Variants in ZC3H12B observed in about 807,000 individuals in gnomAD.
The protein encoded by ZC3H12B is probable ribonuclease ZC3H12B.
A neutral mutation model predicts 43.9 loss-of-function variants in ZC3H12B; 7 were observed. The ratio of observed to expected loss-of-function variants is 0.16; its 90% CI spans 0.09 to 0.30. ZC3H12B has a LOEUF of 0.30. ZC3H12B is among the 10% of genes least tolerant of loss of function. ZC3H12B has a pLI of 1.00. For missense variants in ZC3H12B, 475 were observed against 670.2 expected (o/e 0.71, Z 3.22); for synonymous variants, 222 against 241.7 (o/e 0.92, Z 0.76).
chrX:65,226,869 C>T, the ZC3H12B span, among the ~76,000 whole-genome samples: 1 of 111,312 alleles, frequency 9.0e-6, no homozygotes, highest in African/African-American at 3.3e-5. Context: ...CAGGAGCATC[C>T]AGATTCATAA....
the ZC3H12B span, among the ~76,000 whole-genome samples, chrX:65,044,420 T>A: frequency 8.1e-5 from 9 of 111,723 alleles, no homozygotes; most frequent in Non-Finnish European, 7.5e-5. Flanking sequence ...ACATATAGAC[T>A]TTTGTAGGAC....
the ZC3H12B span, among the ~76,000 whole-genome samples, chrX:65,064,770 G>A: frequency 2.7e-5 from 3 of 111,216 alleles, no homozygotes; most frequent in African/African-American, 9.8e-5. Context: ...TTATTGTTTG[G>A]GAGTCTAAGT....
chrX:65,291,671 G>A, the ZC3H12B span, among the ~76,000 whole-genome samples: 4 of 111,993 alleles, frequency 3.6e-5, no homozygotes, highest in African/African-American at 1.3e-4. Flanking sequence ...TTGTTATTCT[G>A]TGGGTATAAT....
chrX:65,199,145 C>T, the ZC3H12B span, among the ~76,000 whole-genome samples: 29 of 108,191 alleles, frequency 2.7e-4, no homozygotes, highest in East Asian at 8.2e-3. Flanking sequence ...TTCTAGATCT[C>T]GTAGGCATAC....
the ZC3H12B span, among the ~76,000 whole-genome samples, chrX:65,050,729 A>AT: frequency 1.8e-5 from 2 of 111,472 alleles, no homozygotes; most frequent in East Asian, 2.8e-4. Context: ...ATATTAAGTG[A>AT]TTTTTTATAT....
chrX:65,410,380 A>G (rs1176709358), intron 3 of ZC3H12B, among the ~76,000 whole-genome samples: 1 of 112,092 alleles, frequency 8.9e-6, no homozygotes, highest in Non-Finnish European at 1.9e-5. Context: ...AACATTGGGG[A>G]AATTCTCCAG....
chrX:65,152,209 A>G, the ZC3H12B span, among the ~76,000 whole-genome samples: 4 of 111,682 alleles, frequency 3.6e-5, no homozygotes, highest in South Asian at 1.1e-3. Flanking sequence ...CCTACTCAAC[A>G]TAGTGTTGGA....
At chrX:65,125,258 G>A in the ZC3H12B span, among the ~76,000 whole-genome samples, 1 of 111,688 alleles carries the variant, frequency 9.0e-6, no homozygotes, top group Non-Finnish European at 1.9e-5. Flanking sequence ...TTGTTCAGAA[G>A]CAGGTTATTT....
the ZC3H12B span, among the ~76,000 whole-genome samples, chrX:65,341,086 G>A: frequency 2.0e-4 from 22 of 112,034 alleles, no homozygotes; most frequent in Non-Finnish European, 3.6e-4. Context: ...TAGCAGAATA[G>A]ACCAAGCTGA....
At chrX:65,316,188 C>G in the ZC3H12B span, among the ~76,000 whole-genome samples, 1 of 111,256 alleles carries the variant, frequency 9.0e-6, no homozygotes, top group Non-Finnish European at 1.9e-5. Context: ...GTAAACAGAC[C>G]AAAGCTACAA....
At chrX:65,162,328 G>A in the ZC3H12B span, among the ~76,000 whole-genome samples, 5 of 111,620 alleles carry the variant, frequency 4.5e-5, no homozygotes, top group African/African-American at 1.6e-4. Flanking sequence ...TGCTAGATTG[G>A]GCAAGTTCTC....
At chrX:65,433,847 C>A (rs746083261) in intron 3 of ZC3H12B, among the ~76,000 whole-genome samples, 3 of 111,924 alleles carry the variant, frequency 2.7e-5, no homozygotes, top group African/African-American at 9.7e-5. Flanking sequence ...TTTCTGTAAG[C>A]TGTCTGAATT....
chrX:65,111,429 T>C, the ZC3H12B span, among the ~76,000 whole-genome samples: 1 of 111,723 alleles, frequency 9.0e-6, no homozygotes, highest in South Asian at 3.7e-4. Flanking sequence ...GTCTTTATCA[T>C]GTACATGTGT....
At chrX:65,157,107 AAGTAG>A in the ZC3H12B span, among the ~76,000 whole-genome samples, 1 of 110,779 alleles carries the variant, frequency 9.0e-6, no homozygotes, top group African/African-American at 3.3e-5. Flanking sequence ...TCAGCCTCCC[AAGTAG>A]CTGAGACTAA....
chrX:65,269,236 T>C, the ZC3H12B span, among the ~76,000 whole-genome samples: 1 of 109,628 alleles, frequency 9.1e-6, no homozygotes, highest in African/African-American at 3.3e-5. Flanking sequence ...TCCCAGTGAC[T>C]CAAGAGGCTG....
chrX:65,463,770 A>C (rs1038263232), intron 3 of ZC3H12B, among the ~76,000 whole-genome samples: 1 of 109,833 alleles, frequency 9.1e-6, no homozygotes, highest in African/African-American at 3.3e-5. Flanking sequence ...TCTTATCACC[A>C]CTCTAAGTCA....
chrX:65,314,904 T>G, the ZC3H12B span, among the ~76,000 whole-genome samples: 1 of 111,551 alleles, frequency 9.0e-6, no homozygotes, highest in Middle Eastern at 5.2e-3. Flanking sequence ...TTTATATTTT[T>G]ATTTTAGGGG....
chrX:65,097,367 A>G, the ZC3H12B span, among the ~76,000 whole-genome samples: 1 of 111,883 alleles, frequency 8.9e-6, no homozygotes, highest in Non-Finnish European at 1.9e-5. Context: ...TTCATGAATC[A>G]TCTATAATAG....
intron 3 of ZC3H12B, among the ~76,000 whole-genome samples, chrX:65,479,177 T>C (rs1379692819): frequency 9.0e-6 from 1 of 111,097 alleles, no homozygotes; most frequent in African/African-American, 3.3e-5. Flanking sequence ...GAGTTTCCTC[T>C]GTTCACTTCT....
Sources: allele counts gnomAD v4.1 joint callset (sites outside exome capture counted in the v4.1 genomes callset), GRCh38; gene constraint gnomAD v4.1.1; transcripts MANE v1.5; gene names NCBI Gene and HGNC (gene_info 2026-07-23, HGNC 2026-07-21).